Variants in CRYBG1 observed in about 807,000 individuals in gnomAD.
The protein encoded by CRYBG1 is beta/gamma crystallin domain-containing protein 1.
Under a neutral mutation model 189.2 loss-of-function variants are expected in CRYBG1, and 139 were observed. The ratio of observed to expected loss-of-function variants is 0.73; its 90% CI spans 0.64 to 0.85. CRYBG1 has a LOEUF of 0.85. Ranked by LOEUF, CRYBG1 falls within the 40% of genes least tolerant of loss-of-function variation. The pLI is 0.00. For missense variants in CRYBG1, 2,611 were observed against 2,675.8 expected, an observed-to-expected ratio of 0.98 and a Z score of 0.53; for synonymous variants, 1,023 against 1,017.1, an observed-to-expected ratio of 1.01 and a Z score of -0.11.
intron 6 of CRYBG1, among the ~76,000 whole-genome samples, chr6:106,527,064 G>T (rs1773756821): frequency 6.6e-6 from 1 of 150,568 alleles, no homozygotes; most frequent in African/African-American, 2.4e-5. Context: ...TAGCTCTATA[G>T]CATTCATATA....
intron 2 of CRYBG1, among the ~76,000 whole-genome samples, chr6:106,508,845 G>C (rs1484748967): frequency 6.6e-6 from 1 of 151,956 alleles, no homozygotes; most frequent in East Asian, 1.9e-4. Context: ...GCCCCTCTGA[G>C]GGGGGGAGGA....
Position 106,521,170 on chromosome 6 carries a change from A to G in CRYBG1, c.3962A>G (p.His1321Arg), listed in dbSNP as rs1008705878. 18 of 1,614,002 alleles carry G rather than the reference A, an allele frequency of 1.1e-5. No homozygotes were observed. In the Admixed American group the frequency reaches 1.5e-4, roughly 13 times the overall value. Residue 1321 changes from histidine to arginine, a missense_variant, in exon 4 of 22, where the codon CAC (histidine) becomes CGC (arginine). Around this residue, in one of 3 missense-constraint regions of CRYBG1, gnomAD observed 1,622 missense variants for 1,735.0 expected, o/e 0.93. Coordinates refer to ENST00000633556, the MANE Select transcript of CRYBG1 (RefSeq NM_001371242.2). Reference sequence around the variant, plus strand: ...AATTTCAACTCGTCAAGTACATCACACTCCAGTTTGAAAAGTCCAAGCCAC... The same window carrying G: ...AATTTCAACTCGTCAAGTACATCACGCTCCAGTTTGAAAAGTCCAAGCCAC... Reference protein sequence around the residue: ...VFNFNSSSTSHSSLKSPSHME... With the variant: ...VFNFNSSSTSRSSLKSPSHME...
intron 4 of CRYBG1, 105 bp downstream of exon 4, chr6:106,521,558 T>C: frequency 7.9e-7 from 1 of 1,269,532 alleles, no homozygotes; most frequent in Non-Finnish European, 1.1e-6. Flanking sequence ...TAAGCTTATG[T>C]GCTATAGTTT....
chr6:106,517,731 A>AT (rs141468809), intron 3 of CRYBG1, among the ~76,000 whole-genome samples: 4 of 151,760 alleles, frequency 2.6e-5, no homozygotes, highest in Non-Finnish European at 4.4e-5. Context: ...AAACCATCTC[A>AT]TTTTTTTTAA....
rs1380428916 is a variant in CRYBG1, at chr6:106,517,431, CACACACACATATATAT to C, written c.1923-1692_1923-1677del. On this transcript the variant is annotated intron_variant, in intron 3 of 21. Coordinates refer to ENST00000633556, the MANE Select transcript of CRYBG1 (RefSeq NM_001371242.2). Reference sequence around the variant, plus strand: ...ACACACATATATACACATATATATACACACACACATATATATACACACATATATATATACACACACA... The same window carrying C: ...ACACACATATATACACATATATATACACACACATATATATATACACACACA... Among the ~76,000 whole-genome samples, 115 of 85,266 alleles carry C rather than the reference CACACACACATATATAT, an allele frequency of 1.3e-3. 2 individuals are homozygous for C. In the South Asian group the frequency reaches 0.035, roughly 26 times the overall value. 55.9% of individuals were successfully genotyped at this position (85,266 alleles called of 152,430 possible). A position where few individuals can be genotyped will look rare whatever the true frequency, so the allele number is the denominator to read the frequency against.
rs977497807 is a variant in CRYBG1 at position 106,457,357 on chromosome 6, C to T, written c.312+5525C>T. 7.9e-5 allele frequency: 12 copies of T among 152,282 alleles called. No individual in the cohort carries two copies. The East Asian group carries it at 2.1e-3, about 27-fold the overall frequency. 9.4% of individuals were successfully genotyped at this position (152,282 alleles called of 1,614,324 possible). A position where few individuals can be genotyped will look rare whatever the true frequency, so the allele number is the denominator to read the frequency against. On this transcript the variant is annotated intron_variant, in intron 2 of 21. Coordinates refer to ENST00000633556, the MANE Select transcript of CRYBG1 (RefSeq NM_001371242.2). ...CCATGATAATTTATTAACCCATTAA[C>T]TCATTAGTTCATTAATCCATCAATG...
At chr6:106,483,150 C>G (rs1772506559) in intron 2 of CRYBG1, among the ~76,000 whole-genome samples, 1 of 152,058 alleles carries the variant, frequency 6.6e-6, no homozygotes, top group African/African-American at 2.4e-5. Context: ...CTCCAATCCT[C>G]CAATCTCTGT....
At chr6:106,513,065 G>C in intron 3 of CRYBG1, 26 bp downstream of exon 3, 3 of 1,584,960 alleles carry the variant, frequency 1.9e-6, no homozygotes, top group Non-Finnish European at 2.6e-6. Flanking sequence ...AGTCCCGGCC[G>C]AGTTGCTGTC....
At chr6:106,522,280 A>G (rs977392573) in intron 4 of CRYBG1, among the ~76,000 whole-genome samples, 1 of 152,208 alleles carries the variant, frequency 6.6e-6, no homozygotes, top group African/African-American at 2.4e-5. Flanking sequence ...ATAAGTAGCA[A>G]TAGGTGTTTA....
At chr6:106,564,070 T>G in intron 21 of CRYBG1, 144 bp downstream of exon 21, 1 of 795,432 alleles carries the variant, frequency 1.3e-6, no homozygotes, top group East Asian at 2.8e-5. Flanking sequence ...GCTGCTGTGC[T>G]AGCCACTTTC....
intron 1 of CRYBG1, among the ~76,000 whole-genome samples, chr6:106,446,248 T>C (rs774097273): frequency 6.6e-6 from 1 of 152,216 alleles, no homozygotes; most frequent in East Asian, 1.9e-4. Flanking sequence ...ACACTATTAG[T>C]GCCATTTGTT....
intron 2 of CRYBG1, among the ~76,000 whole-genome samples, chr6:106,474,705 A>G (rs907642187): frequency 5.3e-5 from 8 of 152,236 alleles, no homozygotes; most frequent in Admixed American, 3.9e-4. Context: ...ATGTGTCCAG[A>G]GCTTGGATGT....
At chr6:106,448,480 A>G (rs1294325881) in intron 1 of CRYBG1, among the ~76,000 whole-genome samples, 3 of 152,176 alleles carry the variant, frequency 2.0e-5, no homozygotes, top group Admixed American at 6.5e-5. Flanking sequence ...GACCCCAAGT[A>G]TAGAGAACTG....
chr6:106,443,897 T>A (rs1207628588), intron 1 of CRYBG1, among the ~76,000 whole-genome samples: 1 of 152,216 alleles, frequency 6.6e-6, no homozygotes, highest in African/African-American at 2.4e-5. Flanking sequence ...AGTTATTTTT[T>A]AATGTACAAT....
chr6:106,559,346 C>A (rs1311444371), intron 18 of CRYBG1, among the ~76,000 whole-genome samples: 1 of 152,196 alleles, frequency 6.6e-6, no homozygotes, highest in Non-Finnish European at 1.5e-5. Context: ...ACTTCGAATA[C>A]TTTTGAATAA....
intron 1 of CRYBG1, among the ~76,000 whole-genome samples, chr6:106,377,614 TA>T (rs201092166): frequency 3.1e-4 from 3 of 9,650 alleles, no homozygotes; most frequent in South Asian, 0.011. Flanking sequence ...TCATAAGTCC[TA>T]AGGTTTTATA....
chr6:106,511,718 G>C lies in CRYBG1; in HGVS notation c.601G>C (p.Gly201Arg). The change falls in exon 3 of 22, where the codon GGT (glycine) becomes CGT (arginine). Residue 201 changes from glycine (G) to arginine (R), a missense_variant. Transcript: ENST00000633556. Reference sequence around the variant, plus strand: ...GGCAGAGGGCGAGCTCCCCGAGAGCGGTGGCCCCGCAGCCCCCCCTGACGC... The same window carrying C: ...GGCAGAGGGCGAGCTCCCCGAGAGCCGTGGCCCCGCAGCCCCCCCTGACGC... ...REAEGELPES[G>R]GPAAPPDAEL... The C allele has an allele frequency of 1.3e-6, 2 of 1,535,536 alleles. No homozygotes were observed. The highest frequency in any genetic ancestry group is 1.7e-6 in the Non-Finnish European group (2 of 1,146,630).
intron 1 of CRYBG1, among the ~76,000 whole-genome samples, chr6:106,378,043 A>C (rs75353029): frequency 0.037 from 5,618 of 152,176 alleles, 360 homozygotes; most frequent in African/African-American, 0.13. Context: ...CAGCCTGTTG[A>C]GTGGCTCCCT....
intron 2 of CRYBG1, among the ~76,000 whole-genome samples, chr6:106,464,843 G>A (rs1269340319): frequency 6.6e-6 from 1 of 152,130 alleles, no homozygotes; most frequent in Non-Finnish European, 1.5e-5. Flanking sequence ...AAATATATAT[G>A]TTAATTCAAA....
Sources: allele counts gnomAD v4.1 joint callset (sites outside exome capture counted in the v4.1 genomes callset), GRCh38; gene constraint gnomAD v4.1.1; regional missense constraint gnomAD v4.1.1; transcripts MANE v1.5; gene names NCBI Gene and HGNC (gene_info 2026-07-23, HGNC 2026-07-21).